The following JARID2 variants were observed in gnomAD, a reference collection of about 807,000 sequenced individuals.
JARID2 encodes jumonji and AT-rich interaction domain containing 2, also known as protein Jumonji.
A neutral mutation model predicts 125.6 loss-of-function variants in JARID2; 21 were observed. That is an observed-to-expected ratio of 0.17 (90% CI 0.12 to 0.24). The LOEUF is 0.24. Ranked by LOEUF, JARID2 falls within the 10% of genes least tolerant of loss-of-function variation. The pLI is 1.00. For synonymous variants in JARID2, 736 were observed against 661.6 expected, an observed-to-expected ratio of 1.11 and a Z score of -1.73; for missense variants, 1,303 against 1,639.6, an observed-to-expected ratio of 0.79 and a Z score of 3.55.
chr6:15,309,611 T>C (rs1009637071), intron 1 of JARID2, among the ~76,000 whole-genome samples: 1 of 152,112 alleles, frequency 6.6e-6, no homozygotes, highest in African/African-American at 2.4e-5. Flanking sequence ...TTGTCTTATC[T>C]TGGAAAATTT....
intron 1 of JARID2, among the ~76,000 whole-genome samples, chr6:15,363,445 G>A (rs764104526): frequency 1.1e-4 from 17 of 152,156 alleles, no homozygotes; most frequent in Non-Finnish European, 2.2e-4. Context: ...GCCACTGTAA[G>A]ATTCACAGAA....
At chr6:15,518,904 C>CT (rs2127776058) in intron 17 of JARID2, among the ~76,000 whole-genome samples, 1 of 152,332 alleles carries the variant, frequency 6.6e-6, no homozygotes, top group South Asian at 2.1e-4. Context: ...GGACAGTCTG[C>CT]TTTAAACACC....
At chr6:15,504,749 G>A (rs998619209) in intron 9 of JARID2, among the ~76,000 whole-genome samples, 157 bp downstream of exon 9, 3 of 152,154 alleles carry the variant, frequency 2.0e-5, no homozygotes, top group Admixed American at 6.5e-5. Flanking sequence ...CACCAGGGCA[G>A]CCAAATGTTT....
At chr6:15,414,254 C>T (rs139842749) in intron 3 of JARID2, among the ~76,000 whole-genome samples, 1,603 of 152,198 alleles carry the variant, frequency 0.011, 7 homozygotes, top group Non-Finnish European at 0.016. Flanking sequence ...CCAACCTGCA[C>T]GTTGAAGCAA....
chr6:15,518,437 T>G (rs955336906), intron 17 of JARID2, among the ~76,000 whole-genome samples: 60 of 152,338 alleles, frequency 3.9e-4, no homozygotes, highest in African/African-American at 1.2e-3. Flanking sequence ...CTGTAGTGGC[T>G]GAGTAGTTCA....
Position 15,508,320 on chromosome 6 carries a change from T to G in JARID2, c.2732-20T>G, listed in dbSNP as rs1180959969. 7.1e-6 allele frequency: 9 copies of G among 1,266,544 alleles called. No individual in the cohort carries two copies. In the African/African-American group the frequency reaches 1.3e-4, roughly 19 times the overall value. 78.5% of individuals were successfully genotyped at this position (1,266,544 alleles called of 1,614,324 possible). A position where few individuals can be genotyped will look rare whatever the true frequency, so the allele number is the denominator to read the frequency against. On this transcript the variant is annotated intron_variant, in intron 11 of 17. Transcript: ENST00000341776. ...GTTGCCTAGCTTTTAAAAATGCCCT[T>G]TTCACTCTTTCTGTTTTAGGAGTGA...
At chr6:15,494,433 T>TTTTTTTTTG (rs1554144113) in intron 6 of JARID2, among the ~76,000 whole-genome samples, 1 of 147,400 alleles carries the variant, frequency 6.8e-6, no homozygotes, top group South Asian at 2.2e-4. Context: ...TTTTTTTTTT[T>TTTTTTTTTG]GAGACAAGAG....
intron 5 of JARID2, among the ~76,000 whole-genome samples, chr6:15,479,006 T>A (rs1172300473): frequency 6.6e-6 from 1 of 152,194 alleles, no homozygotes; most frequent in East Asian, 1.9e-4. Context: ...AGAAACATTT[T>A]ATTCGTGTGT....
chr6:15,321,788 T>TTG (rs1174549443), intron 1 of JARID2, among the ~76,000 whole-genome samples: 5 of 120,470 alleles, frequency 4.2e-5, no homozygotes, highest in African/African-American at 1.5e-4. Context: ...TTCTTGTTTT[T>TTG]TTTTTTTTTT....
intron 1 of JARID2, among the ~76,000 whole-genome samples, chr6:15,341,297 C>G (rs891430711): frequency 6.6e-6 from 1 of 152,156 alleles, no homozygotes; most frequent in African/African-American, 2.4e-5. Flanking sequence ...CTTTTTTACT[C>G]TTCCACATTT....
At chr6:15,378,425 G>A (rs926594778) in intron 2 of JARID2, among the ~76,000 whole-genome samples, 1 of 152,022 alleles carries the variant, frequency 6.6e-6, no homozygotes, top group African/African-American at 2.4e-5. Context: ...TGGAGCTTCT[G>A]CCTCTGTGTC....
intron 3 of JARID2, among the ~76,000 whole-genome samples, chr6:15,432,119 A>T (rs889425013): frequency 6.6e-6 from 1 of 151,640 alleles, no homozygotes; most frequent in Non-Finnish European, 1.5e-5. Context: ...AAAAACACAG[A>T]TTTATTGAAA....
chr6:15,285,403 G>A (rs1218306989), intron 1 of JARID2, among the ~76,000 whole-genome samples: 1 of 152,104 alleles, frequency 6.6e-6, no homozygotes, highest in African/African-American at 2.4e-5. Context: ...GGGATTACAG[G>A]CGTGAGCCAC....
At chr6:15,484,360 G>T (rs1769765678) in intron 5 of JARID2, among the ~76,000 whole-genome samples, 1 of 152,200 alleles carries the variant, frequency 6.6e-6, no homozygotes, top group Non-Finnish European at 1.5e-5. Flanking sequence ...TGGTCAGTGT[G>T]GACAAATTAA....
At chr6:15,265,091 T>C (rs1194463261) in intron 1 of JARID2, among the ~76,000 whole-genome samples, 1 of 152,182 alleles carries the variant, frequency 6.6e-6, no homozygotes, top group African/African-American at 2.4e-5. Context: ...TCCATTCCAG[T>C]GCGCAGTGTG....
intron 1 of JARID2, among the ~76,000 whole-genome samples, chr6:15,308,170 T>C (rs547868989): frequency 6.6e-6 from 1 of 152,254 alleles, no homozygotes; most frequent in Non-Finnish European, 1.5e-5. Flanking sequence ...ATTATACTAG[T>C]GAATTTTGTT....
chr6:15,352,900 G>C (rs952468838), intron 1 of JARID2, among the ~76,000 whole-genome samples: 2 of 152,102 alleles, frequency 1.3e-5, no homozygotes, highest in African/African-American at 2.4e-5. Flanking sequence ...TGCTTTTATT[G>C]GTGAACAATA....
At chr6:15,308,093 CA>C (rs1761898066) in intron 1 of JARID2, among the ~76,000 whole-genome samples, 1 of 152,200 alleles carries the variant, frequency 6.6e-6, no homozygotes, top group African/African-American at 2.4e-5. Context: ...TGAAAGGGTG[CA>C]GGGAATACCC....
At chr6:15,345,034 T>C (rs1352582317) in intron 1 of JARID2, among the ~76,000 whole-genome samples, 1 of 152,148 alleles carries the variant, frequency 6.6e-6, no homozygotes, top group Non-Finnish European at 1.5e-5. Flanking sequence ...GTGTAATTTG[T>C]TTTTTTAATG....
Sources: gnomAD v4.1 joint callset for allele counts (sites outside exome capture counted in the v4.1 genomes callset) on GRCh38, gnomAD v4.1.1 for gene constraint, MANE v1.5 for transcripts, NCBI Gene and HGNC (gene_info 2026-07-23, HGNC 2026-07-21) for gene names.